ATXN2: variants seen among roughly 807,000 people sequenced by gnomAD.
ATXN2 encodes ataxin-2.
A neutral mutation model predicts 138.6 loss-of-function variants in ATXN2; 37 were observed. That is an observed-to-expected ratio of 0.27 (90% CI 0.21 to 0.35). The LOEUF is 0.35. ATXN2 is among the 10% of genes least tolerant of loss of function. The pLI, the probability that ATXN2 is intolerant of heterozygous loss-of-function variation, is 1.00. For synonymous variants in ATXN2, 549 were observed against 543.7 expected (o/e 1.01, Z -0.13); for missense variants, 1,216 against 1,480.3 (o/e 0.82, Z 2.93).
At chr12:111,465,067 A>G (rs1198405191) in intron 20 of ATXN2, among the ~76,000 whole-genome samples, 1 of 152,246 alleles carries the variant, frequency 6.6e-6, no homozygotes, top group African/African-American at 2.4e-5. Flanking sequence ...TAGACACACA[A>G]TTTTGCAAAA....
chr12:111,474,298 G>A (rs974517274), intron 18 of ATXN2, among the ~76,000 whole-genome samples: 2 of 152,020 alleles, frequency 1.3e-5, no homozygotes, highest in Admixed American at 6.6e-5. Context: ...GTGCTGGCCT[G>A]TAATCCTAGC....
At chr12:111,555,826 T>G in intron 2 of ATXN2, 57 bp downstream of exon 2, 1 of 1,438,126 alleles carries the variant, frequency 7.0e-7, no homozygotes, top group Non-Finnish European at 9.6e-7. Flanking sequence ...GGTCTGTGGT[T>G]AGAGATCATG....
intron 16 of ATXN2, among the ~76,000 whole-genome samples, chr12:111,486,067 AAAAAATATT>A (rs1877618283): frequency 6.6e-6 from 1 of 152,252 alleles, no homozygotes; most frequent in African/African-American, 2.4e-5. Context: ...TTTGTCAATT[AAAAAATATT>A]AAAAACAGTG....
intron 5 of ATXN2, among the ~76,000 whole-genome samples, chr12:111,546,616 A>C (rs1240353828): frequency 1.3e-5 from 2 of 152,200 alleles, no homozygotes; most frequent in Non-Finnish European, 2.9e-5. Flanking sequence ...GGAAAACATG[A>C]ATAATGGCGC....
chr12:111,536,434 A>C (rs1310534708), intron 5 of ATXN2, among the ~76,000 whole-genome samples: 2 of 152,200 alleles, frequency 1.3e-5, no homozygotes, highest in African/African-American at 4.8e-5. Flanking sequence ...GTATAATCAA[A>C]GAGACAGACA....
intron 14 of ATXN2, among the ~76,000 whole-genome samples, chr12:111,504,666 C>G (rs1193937803): frequency 6.6e-6 from 1 of 151,964 alleles, no homozygotes; most frequent in Non-Finnish European, 1.5e-5. Context: ...TGAACTTACA[C>G]AGTAAAAATG....
At chr12:111,599,388 C>T (rs1047179807), upstream of ATXN2, 18 of 1,157,686 alleles carry the variant, frequency 1.6e-5, no homozygotes, top group African/African-American at 1.3e-4. Context: ...GCCGCGCCAC[C>T]GCCGCCCCGC....
In ATXN2 at chr12:111,599,270, T is replaced by C. The variant is rs1885137251; in HGVS notation, c.-236A>G. The C allele has an allele frequency of 1.0e-5, 11 of 1,065,718 alleles. No individual in the cohort carries two copies. Among genetic ancestry groups the C allele is most frequent in the Non-Finnish European group, 1.2e-5 (11 of 887,352 alleles). The allele number at this position is 1,065,718 out of a possible 1,614,324, so 66.0% of individuals were successfully genotyped here. A position where few individuals can be genotyped will look rare whatever the true frequency, so the allele number is the denominator to read the frequency against. ...GCCGGGCCGAAACGCGCCGCCGCCG[T>C]TGCCGTTGCTACCAAAACAGTCTGA... On this transcript the variant is annotated 5_prime_UTR_variant, in exon 1 of 25. Transcript: ENST00000673436.
chr12:111,453,483 A>C lies in ATXN2; in HGVS notation c.3439+194T>G. ...CAAATCCTGTATACCATCAGAACAC[A>C]CACAGACTCGGCTCCCGGAAGCCTC... On this transcript the variant is annotated intron_variant, in intron 24 of 24. Coordinates refer to ENST00000673436, the MANE Select transcript of ATXN2 (RefSeq NM_001372574.1). This position sits in a 1 kb window ranked among gnomAD's most constrained non-coding sequence, Gnocchi z 5.4. 5 of 1,334,308 alleles carry C rather than the reference A, an allele frequency of 3.7e-6. No individual in the cohort carries two copies. The highest frequency in any genetic ancestry group is 4.8e-6 in the Non-Finnish European group (5 of 1,045,844). 82.7% of individuals were successfully genotyped at this position (1,334,308 alleles called of 1,614,324 possible). A position where few individuals can be genotyped will look rare whatever the true frequency, so the allele number is the denominator to read the frequency against.
chr12:111,506,862 C>T (rs1226708660), intron 14 of ATXN2, among the ~76,000 whole-genome samples: 8 of 152,152 alleles, frequency 5.3e-5, no homozygotes, highest in Admixed American at 4.6e-4. Flanking sequence ...GACGGGGTTT[C>T]GCTGTGTTGG....
In ATXN2 at chr12:111,452,479, GTTACTTC is replaced by G. The variant is rs917585912; in HGVS notation, c.*326_*332del. 2.0e-5 allele frequency: 3 copies of G among 151,756 alleles called. No homozygotes were observed. The highest frequency in any genetic ancestry group is 3.8e-5 in the Non-Finnish European group (3 of 78,206). 9.4% of individuals were successfully genotyped at this position (151,756 alleles called of 1,614,324 possible). A position where few individuals can be genotyped will look rare whatever the true frequency, so the allele number is the denominator to read the frequency against. The stretch of plus-strand genomic sequence containing the variant: ...AGTAATAGCAGCAAGAATCACTCTT[GTTACTTC>G]TTTTGCTAGCTGATGTGTTCATGAC... On this transcript the variant is annotated 3_prime_UTR_variant, in exon 25 of 25. Coordinates refer to ENST00000673436, the MANE Select transcript of ATXN2 (RefSeq NM_001372574.1).
At chr12:111,574,183 C>G (rs1000881375) in intron 1 of ATXN2, among the ~76,000 whole-genome samples, 1 of 151,372 alleles carries the variant, frequency 6.6e-6, no homozygotes, top group Non-Finnish European at 1.5e-5. Flanking sequence ...TGGCGGGCAC[C>G]TGTAGTCCCA....
intron 14 of ATXN2, among the ~76,000 whole-genome samples, chr12:111,500,545 G>A (rs770996353): frequency 6.6e-6 from 1 of 152,114 alleles, no homozygotes; most frequent in Admixed American, 6.6e-5. Context: ...CTGCAGGACC[G>A]GAGGCAGAAA....
Position 111,472,742 on chromosome 12 carries a change from T to A in ATXN2, c.2525-2000A>T, listed in dbSNP as rs541398892. Among the ~76,000 whole-genome samples the A allele has an allele frequency of 1.9e-3, 290 of 152,072 alleles. 1 individual carries two copies. The highest frequency in any genetic ancestry group is 3.9e-3 in the Admixed American group (59 of 15,282). On this transcript the variant is annotated intron_variant, in intron 18 of 24. Transcript: ENST00000673436. ...CACCACACCCAGCTAATACTTTTTTTAAAATATTTTTAGTAGAGACGGGGT... is the reference window on the plus strand; with the variant it reads ...CACCACACCCAGCTAATACTTTTTTAAAAATATTTTTAGTAGAGACGGGGT...
Position 111,525,300 on chromosome 12 carries a change from A to C in ATXN2, c.588T>G (p.Ser196=). 1.3e-6 allele frequency: 2 copies of C among 1,599,144 alleles called. No individual in the cohort carries two copies. The highest frequency in any genetic ancestry group is 1.7e-6 in the Non-Finnish European group (2 of 1,175,188). The change falls in exon 6 of 25, where the codon TCT becomes TCG. Residue 196 remains serine, a synonymous_variant. Transcript: ENST00000673436. ...CGCCATTCACTTTAGCACTGATAGC[A>C]GAGTCAGTAAAAGCATCTGCAAAGA... ...SYAKRDAFTD[S]AISAKVNGEH... is the part of the protein sequence containing the mutation.
intron 5 of ATXN2, among the ~76,000 whole-genome samples, chr12:111,544,837 ATAATGGCT>A (rs1340260265): frequency 6.6e-6 from 1 of 152,236 alleles, no homozygotes; most frequent in Admixed American, 6.5e-5. Context: ...CTTAGGCAGG[ATAATGGCT>A]AGAAGAATTC....
At chr12:111,509,087 GT>G (rs1182484039) in intron 14 of ATXN2, among the ~76,000 whole-genome samples, 1 of 152,204 alleles carries the variant, frequency 6.6e-6, no homozygotes, top group Non-Finnish European at 1.5e-5. Flanking sequence ...AAGGAGAGAT[GT>G]TAAGTAAAGC....
intron 18 of ATXN2, among the ~76,000 whole-genome samples, chr12:111,484,602 A>C (rs781550107): frequency 1.3e-5 from 2 of 152,116 alleles, no homozygotes; most frequent in South Asian, 4.2e-4. Flanking sequence ...ATGTCCGGCT[A>C]ATTTTTGTAT....
Position 111,518,443 on chromosome 12 carries a change from C to T in ATXN2, c.987-16G>A. 6.3e-7 allele frequency: 1 copy of T among 1,577,430 alleles called. No homozygotes were observed. ...TTTATTTTCCCTGAAAATGAGAGAT[C>T]CTCTAAATCATTTTATTCTAAAAGG... On this transcript the variant is annotated splice_polypyrimidine_tract_variant and intron_variant, in intron 8 of 24. Coordinates refer to ENST00000673436, the MANE Select transcript of ATXN2 (RefSeq NM_001372574.1).
Sources: allele counts gnomAD v4.1 joint callset (sites outside exome capture counted in the v4.1 genomes callset), GRCh38; gene constraint gnomAD v4.1.1; non-coding constraint Gnocchi (gnomAD v3.1); transcripts MANE v1.5; gene names NCBI Gene and HGNC (gene_info 2026-07-23, HGNC 2026-07-21).